Variants in PTPRA observed in about 807,000 individuals in gnomAD.
PTPRA encodes protein tyrosine phosphatase receptor type A, also known as receptor-type tyrosine-protein phosphatase alpha.
PTPRA carries 25 observed loss-of-function variants against 104.8 expected under a neutral mutation model. The observed-to-expected ratio is 0.24, with a 90% CI of 0.17 to 0.33. PTPRA has a LOEUF of 0.33. PTPRA is among the 10% of genes least tolerant of loss of function. PTPRA has a pLI of 1.00. For synonymous variants in PTPRA, 323 were observed against 368.9 expected, an observed-to-expected ratio of 0.88 and a Z score of 1.43; for missense variants, 765 against 1,015.3, an observed-to-expected ratio of 0.75 and a Z score of 3.35.
intron 18 of PTPRA, 29 bp from the exon 19 acceptor site, chr20:3,027,092 C>G (rs760201856): frequency 1.2e-6 from 2 of 1,608,428 alleles, no homozygotes; most frequent in South Asian, 1.1e-5. Flanking sequence ...ATGATATTGG[C>G]TAGCCATAAG....
intron 1 of PTPRA, among the ~76,000 whole-genome samples, chr20:2,894,790 T>C (rs1409978464): frequency 6.6e-6 from 1 of 151,852 alleles, no homozygotes; most frequent in East Asian, 2.0e-4. Flanking sequence ...ATCAAGACCA[T>C]CTTGGCTAAC....
At chr20:2,927,060 G>T (rs932352258) in intron 2 of PTPRA, among the ~76,000 whole-genome samples, 1 of 151,918 alleles carries the variant, frequency 6.6e-6, no homozygotes, top group African/African-American at 2.4e-5. Context: ...CAAAGTGCTG[G>T]GATTACAGGC....
chr20:2,883,173 T>C (rs1305507852), intron 1 of PTPRA, among the ~76,000 whole-genome samples: 1 of 151,936 alleles, frequency 6.6e-6, no homozygotes, highest in East Asian at 1.9e-4. Flanking sequence ...GTAGGAATAA[T>C]GCAAATAGTA....
At chr20:3,024,806 G>T (rs1032822832) in intron 17 of PTPRA, among the ~76,000 whole-genome samples, 185 bp downstream of exon 17, 1 of 152,172 alleles carries the variant, frequency 6.6e-6, no homozygotes, top group African/African-American at 2.4e-5. Flanking sequence ...AATCACTTTG[G>T]TTGTGTTAGA....
At chr20:3,013,180 T>C (rs1378231771) in intron 11 of PTPRA, among the ~76,000 whole-genome samples, 1 of 152,118 alleles carries the variant, frequency 6.6e-6, no homozygotes, top group Admixed American at 6.5e-5. Context: ...ACTTTTTGCG[T>C]AGAGAACTGA....
At chr20:3,000,195 G>A (rs1467119670) in intron 9 of PTPRA, among the ~76,000 whole-genome samples, 1 of 152,140 alleles carries the variant, frequency 6.6e-6, no homozygotes, top group African/African-American at 2.4e-5. Context: ...GGCTGAGGAA[G>A]GAGAATTGCT....
At chr20:2,964,426 CGA>C in intron 4 of PTPRA, 76 bp downstream of exon 4, 1 of 1,205,918 alleles carries the variant, frequency 8.3e-7, no homozygotes, top group Non-Finnish European at 1.2e-6. Context: ...ATTTGAAAAC[CGA>C]GATGGTATTT....
intron 2 of PTPRA, among the ~76,000 whole-genome samples, chr20:2,942,610 G>A (rs11905776): frequency 1.1e-4 from 17 of 152,008 alleles, no homozygotes; most frequent in African/African-American, 4.1e-4. Context: ...CCTCCCCCAA[G>A]CAAGAGGGAA....
chr20:2,925,219 C>G (rs1174064232), intron 2 of PTPRA, among the ~76,000 whole-genome samples: 1 of 152,116 alleles, frequency 6.6e-6, no homozygotes, highest in Admixed American at 6.6e-5. Flanking sequence ...TGCTGGCAAC[C>G]ATTCTACCTT....
intron 2 of PTPRA, among the ~76,000 whole-genome samples, chr20:2,938,833 G>A (rs1054586320): frequency 6.6e-6 from 1 of 152,004 alleles, no homozygotes; most frequent in Non-Finnish European, 1.5e-5. Context: ...TTTCATGAGC[G>A]CTGTTTTAAA....
chr20:3,018,138 T>C (rs1239174181), intron 13 of PTPRA, among the ~76,000 whole-genome samples: 4 of 152,264 alleles, frequency 2.6e-5, no homozygotes, highest in African/African-American at 9.6e-5. Flanking sequence ...CAACTCACCC[T>C]GGTTCCAGAA....
At position 3,022,503 on chromosome 20, in the gene PTPRA, C is replaced by A. The variant is rs1568702941; in HGVS notation, c.1329-186C>A. Among the ~76,000 whole-genome samples the A allele has an allele frequency of 6.6e-6, 1 of 152,148 alleles. No homozygotes were observed. The highest frequency in any genetic ancestry group is 2.4e-5 in the African/African-American group (1 of 41,420). ...CCATGTATTTTTGCAGCCTTCGGACCCTTCTAGCTGGAGGTCAGGATTCAG... is the reference window on the plus strand; with the variant it reads ...CCATGTATTTTTGCAGCCTTCGGACACTTCTAGCTGGAGGTCAGGATTCAG... On this transcript the variant is annotated intron_variant, in intron 15 of 23. Coordinates refer to ENST00000399903, the MANE Select transcript of PTPRA (RefSeq NM_001385305.1). This position sits in a 1 kb window ranked among gnomAD's most constrained non-coding sequence, Gnocchi z 4.6.
intron 11 of PTPRA, among the ~76,000 whole-genome samples, chr20:3,013,545 T>C (rs2064285394): frequency 6.6e-6 from 1 of 152,010 alleles, no homozygotes; most frequent in Non-Finnish European, 1.5e-5. Context: ...CCCAAGTAGC[T>C]GAGATTACAG....
At chr20:2,906,049 TA>T (rs1433934442) in intron 1 of PTPRA, among the ~76,000 whole-genome samples, 1 of 152,164 alleles carries the variant, frequency 6.6e-6, no homozygotes, top group Non-Finnish European at 1.5e-5. Context: ...TTGTTCCATT[TA>T]AAGAAACTGA....
At chr20:3,015,983 TG>T in intron 12 of PTPRA, 98 bp downstream of exon 12, 1 of 1,211,784 alleles carries the variant, frequency 8.3e-7, no homozygotes, top group Non-Finnish European at 1.2e-6. Flanking sequence ...ACCAGAATGC[TG>T]TAGCTTTTCT....
intron 1 of PTPRA, among the ~76,000 whole-genome samples, chr20:2,899,424 G>A (rs1339297390): frequency 6.6e-6 from 1 of 152,088 alleles, no homozygotes; most frequent in East Asian, 1.9e-4. Flanking sequence ...GGAGGCAGAA[G>A]GAACCAGAGG....
At chr20:2,912,695 A>G (rs772588400) in intron 1 of PTPRA, among the ~76,000 whole-genome samples, 7 of 152,226 alleles carry the variant, frequency 4.6e-5, no homozygotes, top group Non-Finnish European at 8.8e-5. Flanking sequence ...CCAAACTGCT[A>G]TTCTCTAGAC....
chr20:2,878,574 A>G (rs868387623), intron 1 of PTPRA, among the ~76,000 whole-genome samples: 1 of 152,162 alleles, frequency 6.6e-6, no homozygotes. Flanking sequence ...GCTATTATAA[A>G]TGGTACTTTT....
intron 1 of PTPRA, among the ~76,000 whole-genome samples, chr20:2,922,528 C>T (rs1236588230): frequency 1.3e-5 from 2 of 152,032 alleles, no homozygotes; most frequent in East Asian, 1.9e-4. Context: ...TTGGTAGAGA[C>T]GGGGTTTCAC....
Sources: gnomAD v4.1 joint callset for allele counts (sites outside exome capture counted in the v4.1 genomes callset) on GRCh38, gnomAD v4.1.1 for gene constraint, Gnocchi (gnomAD v3.1) non-coding constraint, MANE v1.5 for transcripts, NCBI Gene and HGNC (gene_info 2026-07-23, HGNC 2026-07-21) for gene names.